The following PPP2R5E variants were observed in gnomAD, a reference collection of about 807,000 sequenced individuals.
PPP2R5E encodes serine/threonine-protein phosphatase 2A 56 kDa regulatory subunit epsilon isoform.
PPP2R5E carries 4 observed loss-of-function variants against 65.3 expected under a neutral mutation model. That is an observed-to-expected ratio of 0.06 (90% confidence interval 0.03 to 0.14). PPP2R5E has a LOEUF of 0.14. PPP2R5E is among the 10% of genes least tolerant of loss of function. The pLI, the probability that PPP2R5E is intolerant of heterozygous loss-of-function variation, is 1.00. For synonymous variants in PPP2R5E, 183 were observed against 187.4 expected (o/e 0.98, Z 0.19); for missense variants, 274 against 556.1 (o/e 0.49, Z 5.10).
intron 2 of PPP2R5E, among the ~76,000 whole-genome samples, chr14:63,484,058 T>C (rs1475841584): frequency 6.7e-6 from 1 of 148,172 alleles, no homozygotes; most frequent in African/African-American, 2.5e-5. Flanking sequence ...CACTCCAGCC[T>C]GGTGACAGAG....
chr14:63,447,786 G>C (rs561696384), intron 3 of PPP2R5E, among the ~76,000 whole-genome samples: 16 of 152,174 alleles, frequency 1.1e-4, no homozygotes, highest in African/African-American at 3.9e-4. Flanking sequence ...TAAAATGAGA[G>C]ACATGTGACT....
chr14:63,407,987 T>C (rs1886184697), intron 5 of PPP2R5E, among the ~76,000 whole-genome samples: 1 of 152,242 alleles, frequency 6.6e-6, no homozygotes, highest in East Asian at 1.9e-4. Context: ...GTCTGAGGCA[T>C]TTTGTTAAAG....
intron 2 of PPP2R5E, among the ~76,000 whole-genome samples, chr14:63,475,760 T>C (rs1463188631): frequency 1.5e-5 from 2 of 132,186 alleles, no homozygotes; most frequent in Non-Finnish European, 3.0e-5. Context: ...ACTTTTATGA[T>C]AAAATATTAA....
chr14:63,374,634 G>GATT lies in PPP2R5E; in HGVS notation c.*1374_*1375insAAT, dbSNP rs1555353678. ...TAAATACAAAGCAGAGAGCCAATAA[G>GATT]ATATATATATATATATATATATATA... On this transcript the variant is annotated 3_prime_UTR_variant, in exon 14 of 14. Transcript: ENST00000337537. 3.5e-4 allele frequency: 38 copies of GATT among 109,570 alleles called. 2 individuals are homozygous for GATT. Among genetic ancestry groups the GATT allele is most frequent in the East Asian group, 1.1e-3 (4 of 3,524 alleles). 6.8% of individuals were successfully genotyped at this position (109,570 alleles called of 1,614,324 possible).
chr14:63,498,133 GC>G (rs1293988421), intron 2 of PPP2R5E, among the ~76,000 whole-genome samples: 1 of 152,146 alleles, frequency 6.6e-6, no homozygotes, highest in African/African-American at 2.4e-5. Flanking sequence ...AATTTAGAGA[GC>G]TTTTTCAGGT....
At chr14:63,500,905 C>A (rs73276592) in intron 2 of PPP2R5E, among the ~76,000 whole-genome samples, 4 of 151,908 alleles carry the variant, frequency 2.6e-5, no homozygotes, top group African/African-American at 9.7e-5. Context: ...GACATCCTAG[C>A]GTAACAGCAG....
intron 13 of PPP2R5E, among the ~76,000 whole-genome samples, chr14:63,380,509 A>C (rs1298319292): frequency 6.6e-6 from 1 of 151,962 alleles, no homozygotes. Context: ...AAAAATACAA[A>C]AAATTAGCCA....
intron 3 of PPP2R5E, among the ~76,000 whole-genome samples, chr14:63,444,792 A>G (rs1888396137): frequency 6.6e-6 from 1 of 152,252 alleles, no homozygotes. Flanking sequence ...CCTCAGGGAC[A>G]GACACCTGAC....
At chr14:63,483,684 G>T (rs1358010796) in intron 2 of PPP2R5E, among the ~76,000 whole-genome samples, 2 of 152,084 alleles carry the variant, frequency 1.3e-5, no homozygotes, top group Admixed American at 6.5e-5. Context: ...ATGAAAGGTG[G>T]GTCCACAGGG....
intron 2 of PPP2R5E, among the ~76,000 whole-genome samples, chr14:63,516,710 C>T (rs991900801): frequency 5.3e-5 from 8 of 152,214 alleles, no homozygotes; most frequent in African/African-American, 1.9e-4. Flanking sequence ...TCCCCAATCT[C>T]CAACCTCCCC....
intron 5 of PPP2R5E, among the ~76,000 whole-genome samples, chr14:63,398,348 C>T (rs141084806): frequency 2.6e-5 from 4 of 152,126 alleles, no homozygotes; most frequent in African/African-American, 9.7e-5. Flanking sequence ...AAAACTTAGT[C>T]CAAAATACCA....
rs73278648 is a variant in PPP2R5E, at chr14:63,535,515, G to A, written c.157+4014C>T. 5.1e-3 allele frequency among the ~76,000 whole-genome samples: 779 copies of A among 152,186 alleles called. 6 individuals carry two copies. The highest frequency in any genetic ancestry group is 0.018 in the African/African-American group (744 of 41,532). ...AGACTTTAAAACGCTAAGAATTAATGCAGTATTATTTATAAATCAAAGATT... is the reference window on the plus strand; with the variant it reads ...AGACTTTAAAACGCTAAGAATTAATACAGTATTATTTATAAATCAAAGATT... On this transcript the variant is annotated intron_variant, in intron 2 of 13. Coordinates refer to ENST00000337537, the MANE Select transcript of PPP2R5E (RefSeq NM_006246.5).
At chr14:63,510,762 T>C (rs772467617) in intron 2 of PPP2R5E, among the ~76,000 whole-genome samples, 8 of 152,232 alleles carry the variant, frequency 5.3e-5, no homozygotes, top group Non-Finnish European at 1.2e-4. Flanking sequence ...CTAAATTTTA[T>C]TCTGAATGAA....
intron 2 of PPP2R5E, among the ~76,000 whole-genome samples, chr14:63,534,248 A>G (rs556447905): frequency 2.6e-5 from 4 of 151,782 alleles, no homozygotes; most frequent in East Asian, 3.9e-4. Flanking sequence ...GGCTTGCTTC[A>G]TGTCCTGCTG....
intron 11 of PPP2R5E, 34 bp downstream of exon 11, chr14:63,389,578 A>G (rs368367177): frequency 5.8e-6 from 9 of 1,560,768 alleles, no homozygotes; most frequent in East Asian, 4.6e-5. Flanking sequence ...AAAATAACTC[A>G]TGCTCCCTGG....
chr14:63,508,755 C>G (rs1017300730), intron 2 of PPP2R5E, among the ~76,000 whole-genome samples: 4 of 152,234 alleles, frequency 2.6e-5, no homozygotes, highest in Non-Finnish European at 5.9e-5. Flanking sequence ...ACCCTCTTTC[C>G]ACTAAATATT....
At chr14:63,400,577 T>C (rs1885689513) in intron 5 of PPP2R5E, among the ~76,000 whole-genome samples, 1 of 151,310 alleles carries the variant, frequency 6.6e-6, no homozygotes, top group Non-Finnish European at 1.5e-5. Context: ...ATGGTCCTCA[T>C]TGCTGGACAT....
intron 2 of PPP2R5E, among the ~76,000 whole-genome samples, chr14:63,459,769 C>T (rs1052640268): frequency 1.3e-5 from 2 of 152,152 alleles, no homozygotes; most frequent in East Asian, 3.8e-4. Flanking sequence ...TAAAAACCAC[C>T]GTTTTTAAAG....
intron 2 of PPP2R5E, among the ~76,000 whole-genome samples, chr14:63,511,017 A>G (rs1255639): frequency 0.39 from 59,433 of 152,090 alleles, 14,545 homozygotes; most frequent in African/African-American, 0.71. Context: ...AACCAAGGTG[A>G]GAAGTCCCAA....
Sources: allele counts gnomAD v4.1 joint callset (sites outside exome capture counted in the v4.1 genomes callset), GRCh38; gene constraint gnomAD v4.1.1; transcripts MANE v1.5; gene names NCBI Gene and HGNC (gene_info 2026-07-23, HGNC 2026-07-21).